Variants in MEDAG observed in about 807,000 individuals in gnomAD.
MEDAG encodes the protein mesenteric estrogen-dependent adipogenesis protein.
A neutral mutation model predicts 29.9 loss-of-function variants in MEDAG; 25 were observed. That is an observed-to-expected ratio of 0.84 (90% CI 0.61 to 1.17). The LOEUF (loss-of-function observed/expected upper bound fraction) is 1.17, where lower values mean the gene tolerates loss of function less well. MEDAG is among the 50% of genes most tolerant of loss of function. MEDAG has a pLI of 0.00. For missense variants in MEDAG, 398 were observed against 372.9 expected (o/e 1.07, Z -0.56); for synonymous variants, 158 against 148.2 (o/e 1.07, Z -0.48).
chr13:30,914,337 A>G (rs576585527), intron 1 of MEDAG, among the ~76,000 whole-genome samples: 1 of 152,304 alleles, frequency 6.6e-6, no homozygotes, highest in South Asian at 2.1e-4. Flanking sequence ...GAGCTTATTA[A>G]GTAGGGATCT....
At chr13:30,923,947 C>G (rs1953014992) in intron 4 of MEDAG, among the ~76,000 whole-genome samples, 1 of 152,200 alleles carries the variant, frequency 6.6e-6, no homozygotes, top group Non-Finnish European at 1.5e-5. Flanking sequence ...GTGGTCCAAA[C>G]CTGGCACCCA....
intron 2 of MEDAG, 106 bp from the exon 3 acceptor site, chr13:30,920,908 A>C (rs959446636): frequency 1.2e-6 from 1 of 837,428 alleles, no homozygotes. Context: ...TTATAAATGA[A>C]TAAAATCTTC....
intron 1 of MEDAG, among the ~76,000 whole-genome samples, chr13:30,915,470 C>T (rs1222458758): frequency 6.6e-6 from 1 of 152,118 alleles, no homozygotes; most frequent in South Asian, 2.1e-4. Context: ...TCACCTGGTG[C>T]CCGGCTCATC....
chr13:30,921,410 A>G, intron 3 of MEDAG, 151 bp from the exon 4 acceptor site: 1 of 859,768 alleles, frequency 1.2e-6, no homozygotes, highest in Middle Eastern at 3.6e-4. Context: ...GTTTTGTTAG[A>G]AAAAATAAAG....
In MEDAG at chr13:30,906,744, C is replaced by G; in HGVS notation, c.229C>G (p.Leu77Val). ...GGGCTTCAACGTCTTCGGTGACGGC[C>G]TCGTGCGCCTCGACGGGCAGCTCTA... ...RGGFNVFGDG[L>V]VRLDGQLYRL... Residue 77 changes from leucine (L) to valine (V), a missense_variant, in exon 1 of 5, where the codon CTC becomes GTC. By Grantham distance (32) the Leu-to-Val change is conservative (BLOSUM62 1). Transcript: ENST00000380482. The G allele has an allele frequency of 1.3e-6, 2 of 1,510,144 alleles. No individual in the cohort carries two copies. The highest frequency in any genetic ancestry group is 1.8e-6 in the Non-Finnish European group (2 of 1,139,012). The allele number at this position is 1,510,144 out of a possible 1,614,324, so 93.5% of individuals were successfully genotyped here. A position where few individuals can be genotyped will look rare whatever the true frequency, so the allele number is the denominator to read the frequency against.
intron 2 of MEDAG, among the ~76,000 whole-genome samples, chr13:30,918,565 GA>G (rs1235922908): frequency 1.3e-5 from 2 of 152,170 alleles, no homozygotes; most frequent in African/African-American, 2.4e-5. Context: ...ATTTCAGTAT[GA>G]AAATGTCTCC....
chr13:30,924,086 G>A (rs970380106), intron 4 of MEDAG, among the ~76,000 whole-genome samples: 1 of 152,152 alleles, frequency 6.6e-6, no homozygotes, highest in African/African-American at 2.4e-5. Context: ...AGTATATTAA[G>A]CTCATTGCAA....
intron 4 of MEDAG, chr13:30,922,710 C>T (rs552603341): frequency 2.0e-5 from 3 of 152,398 alleles, no homozygotes; most frequent in African/African-American, 7.2e-5. Context: ...ATGAATCATG[C>T]ATGGCTTGTC....
At chr13:30,909,381 TG>T (rs1952861265) in intron 1 of MEDAG, among the ~76,000 whole-genome samples, 1 of 152,074 alleles carries the variant, frequency 6.6e-6, no homozygotes, top group Non-Finnish European at 1.5e-5. Flanking sequence ...TGACCCTTAA[TG>T]GGTTGGAGCC....
intron 1 of MEDAG, among the ~76,000 whole-genome samples, chr13:30,915,203 C>A (rs1441812117): frequency 6.6e-6 from 1 of 152,160 alleles, no homozygotes; most frequent in African/African-American, 2.4e-5. Flanking sequence ...CTCTTCACCC[C>A]CTTCCCAAGC....
chr13:30,921,711 A>C lies in MEDAG; in HGVS notation c.652A>C (p.Asn218His). 1 of 1,614,088 alleles carries C rather than the reference A, an allele frequency of 6.2e-7. No homozygotes were observed. Among genetic ancestry groups the C allele is most frequent in the Non-Finnish European group, 8.5e-7 (1 of 1,180,006 alleles). ...FGLSNSVVKVNGKVLNLSSTS... is the reference protein window; with the variant it reads ...FGLSNSVVKVHGKVLNLSSTS... ...GCTCAGTAATTCCGTTGTAAAAGTA[A>C]ATGGAAAAGTTCTGAATTTGTCAAG... Residue 218 changes from asparagine to histidine, a missense_variant, in exon 4 of 5, where the codon AAT becomes CAT. Asn to His is a moderately conservative substitution (Grantham distance 68, BLOSUM62 1). Coordinates refer to ENST00000380482, the MANE Select transcript of MEDAG (RefSeq NM_032849.4).
chr13:30,912,736 G>A (rs753148695), intron 1 of MEDAG, among the ~76,000 whole-genome samples: 8 of 152,158 alleles, frequency 5.3e-5, no homozygotes, highest in Non-Finnish European at 7.3e-5. Flanking sequence ...TCATTAAGCT[G>A]TTCCCTTTAG....
chr13:30,917,615 C>G, intron 2 of MEDAG, 103 bp downstream of exon 2: 1 of 665,874 alleles, frequency 1.5e-6, no homozygotes, highest in Non-Finnish European at 2.6e-6. Context: ...GTTCTGCAGG[C>G]TATACAGGCT....
intron 1 of MEDAG, among the ~76,000 whole-genome samples, chr13:30,915,233 A>G (rs2138120686): frequency 6.6e-6 from 1 of 152,268 alleles, no homozygotes; most frequent in Middle Eastern, 3.4e-3. Context: ...CTGCCTGCCT[A>G]ATGATGATTT....
chr13:30,920,907 A>G, intron 2 of MEDAG, 107 bp from the exon 3 acceptor site: 1 of 825,608 alleles, frequency 1.2e-6, no homozygotes, highest in African/African-American at 1.7e-5. Context: ...GTTATAAATG[A>G]ATAAAATCTT....
rs138379359 is a variant in MEDAG at position 30,907,503 on chromosome 13, C to A, written c.278+710C>A. On this transcript the variant is annotated intron_variant, in intron 1 of 4. Transcript: ENST00000380482. ...GCTTGACTGTTGTGGCCAGAGTGCC[C>A]CCAAGCTCTTCTTGGCAGACCGGCA... 8.6e-3 allele frequency among the ~76,000 whole-genome samples: 1,313 copies of A among 152,284 alleles called. 31 individuals are homozygous for A. The highest frequency in any genetic ancestry group is 0.03 in the African/African-American group (1,258 of 41,554).
At chr13:30,915,550 G>A (rs998532305) in intron 1 of MEDAG, among the ~76,000 whole-genome samples, 9 of 152,046 alleles carry the variant, frequency 5.9e-5, no homozygotes, top group Non-Finnish European at 1.2e-4. Context: ...TCTTTTTCCT[G>A]CCTTCTCCTT....
intron 1 of MEDAG, among the ~76,000 whole-genome samples, chr13:30,915,420 C>A (rs929574745): frequency 6.6e-6 from 1 of 152,150 alleles, no homozygotes; most frequent in Non-Finnish European, 1.5e-5. Context: ...AGACTCTGAG[C>A]CCCTCCAGCA....
chr13:30,911,067 C>T (rs1952877748), intron 1 of MEDAG, among the ~76,000 whole-genome samples: 1 of 152,210 alleles, frequency 6.6e-6, no homozygotes, highest in South Asian at 2.1e-4. Context: ...AAGGGCTCTG[C>T]TCTTTGCGAG....
Sources: allele counts gnomAD v4.1 joint callset (sites outside exome capture counted in the v4.1 genomes callset), GRCh38; gene constraint gnomAD v4.1.1; transcripts MANE v1.5; gene names NCBI Gene and HGNC (gene_info 2026-07-23, HGNC 2026-07-21).